CLCN7: variants seen among roughly 807,000 people sequenced by gnomAD.
CLCN7 encodes the protein H(+)/Cl(-) exchange transporter 7.
In CLCN7, 60 loss-of-function variants were observed where a neutral mutation model predicts 102.1. The ratio of observed to expected loss-of-function variants is 0.59; its 90% CI spans 0.48 to 0.73. CLCN7 has a LOEUF of 0.73. Among genes scored for constraint, CLCN7 ranks in the 30% least tolerant of loss-of-function variants. The probability of loss-of-function intolerance (pLI) is 0.00; values close to 1 mark genes in which losing one functional copy is unlikely to be tolerated. For synonymous variants in CLCN7, 560 were observed against 490.5 expected (o/e 1.14, Z -1.87); for missense variants, 962 against 1,125.7 (o/e 0.85, Z 2.08).
chr16:1,452,424 T>C, intron 15 of CLCN7: 1 of 382,190 alleles, frequency 2.6e-6, no homozygotes. Flanking sequence ...GGTCCAGTTG[T>C]GGACGGAGGT....
chr16:1,461,154 CCAA>C (rs1174193249), intron 4 of CLCN7, among the ~76,000 whole-genome samples: 6 of 152,246 alleles, frequency 3.9e-5, no homozygotes, highest in African/African-American at 1.4e-4. Context: ...GGGTGAATTC[CCAA>C]CAACTTCACA....
rs1434570608 is a variant in CLCN7, at chr16:1,456,099, G to A, written c.916+14C>T. 29 of 1,543,288 alleles carry A rather than the reference G, an allele frequency of 1.9e-5. No individual in the cohort carries two copies. Among genetic ancestry groups the A allele is most frequent in the Admixed American group, 7.8e-5 (4 of 51,364 alleles). On this transcript the variant is annotated intron_variant, in intron 10 of 24. Transcript: ENST00000382745. Reference sequence around the variant, plus strand: ...GCGAGGGCAAAGCATTGGACCCGGTGCGGCCCTCCTCACCCACGGGGGCTC... The same window carrying A: ...GCGAGGGCAAAGCATTGGACCCGGTACGGCCCTCCTCACCCACGGGGGCTC...
intron 20 of CLCN7, 61 bp from the exon 21 acceptor site, chr16:1,448,545 T>C: frequency 6.2e-7 from 1 of 1,602,878 alleles, no homozygotes; most frequent in East Asian, 2.2e-5. Flanking sequence ...CAGTTACCTC[T>C]GCGGGCTGGT....
intron 14 of CLCN7, among the ~76,000 whole-genome samples, chr16:1,453,132 C>A (rs929827974): frequency 6.6e-6 from 1 of 152,146 alleles, no homozygotes; most frequent in African/African-American, 2.4e-5. Context: ...CTCAGCCTCC[C>A]GAGTAGCTGG....
chr16:1,452,447 T>C (rs2038766915), intron 15 of CLCN7: 1 of 428,710 alleles, frequency 2.3e-6, no homozygotes, highest in Non-Finnish European at 4.3e-6. Flanking sequence ...GCATTTCTCC[T>C]GGGTCCACAT....
intron 6 of CLCN7, 56 bp from the exon 7 acceptor site, chr16:1,459,243 C>T (rs1235916040): frequency 2.2e-6 from 3 of 1,355,702 alleles, no homozygotes; most frequent in East Asian, 2.6e-5. Context: ...ACAGATGCAG[C>T]CCCTCAGCCC....
chr16:1,468,902 A>G (rs532412767), intron 1 of CLCN7, among the ~76,000 whole-genome samples: 15 of 152,192 alleles, frequency 9.9e-5, no homozygotes, highest in Non-Finnish European at 1.9e-4. Flanking sequence ...TTTAAAAGTC[A>G]AAAAAGGGCT....
chr16:1,473,118 T>C (rs71384101), intron 1 of CLCN7, among the ~76,000 whole-genome samples: 10,012 of 151,568 alleles, frequency 0.066, 401 homozygotes, highest in Non-Finnish European at 0.094. Context: ...GGCATACACA[T>C]ACACACACAG....
chr16:1,453,239 C>T (rs556420861), intron 14 of CLCN7, among the ~76,000 whole-genome samples: 14 of 152,166 alleles, frequency 9.2e-5, no homozygotes, highest in Non-Finnish European at 1.9e-4. Context: ...TCTAGAACTC[C>T]CGACCTCAGG....
chr16:1,458,229 T>A (rs984874540), intron 7 of CLCN7, among the ~76,000 whole-genome samples: 1 of 152,022 alleles, frequency 6.6e-6, no homozygotes, highest in East Asian at 1.9e-4. Context: ...CCTCTCCACC[T>A]GAGAAGGTGT....
At chr16:1,453,730 T>C in intron 14 of CLCN7, 104 bp downstream of exon 14, 17 of 1,092,412 alleles carry the variant, frequency 1.6e-5, no homozygotes, top group Non-Finnish European at 2.4e-5. Flanking sequence ...AGCCTTTCTT[T>C]CGGCTGTGGC....
intron 5 of CLCN7, 141 bp downstream of exon 5, chr16:1,460,675 C>A (rs1343786102): frequency 2.2e-6 from 3 of 1,384,664 alleles, no homozygotes; most frequent in Non-Finnish European, 3.0e-6. Flanking sequence ...GTCTCACGGC[C>A]CAACCATGAC....
rs140648745 is a variant in CLCN7 at position 1,449,837 on chromosome 16, G to A, written c.1618-510C>T. Reference sequence around the variant, plus strand: ...GCCGCTGAACTGCCCTCTTTAAAACGATGAGTTTTACGGTATTTGAATCAT... The same window carrying A: ...GCCGCTGAACTGCCCTCTTTAAAACAATGAGTTTTACGGTATTTGAATCAT... On this transcript the variant is annotated intron_variant, in intron 17 of 24. Coordinates refer to ENST00000382745, the MANE Select transcript of CLCN7 (RefSeq NM_001287.6). The A allele has an allele frequency of 2.3e-3, 469 of 201,552 alleles. 1 individual carries two copies. The highest frequency in any genetic ancestry group is 3.4e-3 in the Non-Finnish European group (327 of 97,352). 12.5% of individuals were successfully genotyped at this position (201,552 alleles called of 1,614,324 possible).
rs12923452 is a variant in CLCN7, at chr16:1,472,260, T to C, written c.141+2574A>G. On this transcript the variant is annotated intron_variant, in intron 1 of 24. Coordinates refer to ENST00000382745, the MANE Select transcript of CLCN7 (RefSeq NM_001287.6). ...AGTTTTTTTATTTTTATTTTTGAGA[T>C]GGAGTTTTGTTCTTGTTGCCCAGGC... 4.3e-3 allele frequency among the ~76,000 whole-genome samples: 651 copies of C among 152,348 alleles called. 2 individuals carry two copies. Among genetic ancestry groups the C allele is most frequent in the Non-Finnish European group, 7.9e-3 (535 of 68,024 alleles).
chr16:1,460,948 C>T lies in CLCN7; in HGVS notation c.352G>A (p.Ala118Thr), dbSNP rs760386183. The T allele has an allele frequency of 2.5e-6, 4 of 1,613,036 alleles. No individual in the cohort carries two copies. The East Asian group carries it at 8.9e-5, about 36-fold the overall frequency. Residue 118 changes from alanine (A) to threonine (T), a missense_variant and splice_region_variant, in exon 5 of 25, where the codon GCC (alanine) becomes ACC (threonine). Physicochemically the swap from Ala to Thr is moderately conservative, Grantham distance 58 (BLOSUM62 0). Transcript: ENST00000382745. Reference protein sequence around the residue: ...LEEERRINHTAFRTVEIKRWV... With the variant: ...LEEERRINHTTFRTVEIKRWV... The stretch of plus-strand genomic sequence containing the variant: ...CGCTTGATCTCCACCGTCCGGAAGG[C>T]CTGCAGGGCGCGGTCAGGGCGAGGG...
intron 1 of CLCN7, among the ~76,000 whole-genome samples, chr16:1,473,573 C>T (rs528505264): frequency 2.7e-5 from 4 of 150,916 alleles, no homozygotes; most frequent in Non-Finnish European, 5.9e-5. Flanking sequence ...CGGGGTTTCA[C>T]CATATTAGCC....
chr16:1,455,913 G>A, intron 10 of CLCN7, 118 bp from the exon 11 acceptor site: 2 of 1,200,650 alleles, frequency 1.7e-6, no homozygotes, highest in Non-Finnish European at 2.4e-6. Flanking sequence ...CTAATGGGGT[G>A]GGCCCCAGCC....
chr16:1,449,109 T>C lies in CLCN7; in HGVS notation c.1670-16A>G, dbSNP rs1285182506. ...ACAATCCCGCCTGCGGGAGCCATCATGAACCCCAGCACGTCCACCCTCCTG... is the reference window on the plus strand; with the variant it reads ...ACAATCCCGCCTGCGGGAGCCATCACGAACCCCAGCACGTCCACCCTCCTG... On this transcript the variant is annotated splice_polypyrimidine_tract_variant and intron_variant, in intron 18 of 24. Coordinates refer to ENST00000382745, the MANE Select transcript of CLCN7 (RefSeq NM_001287.6). 2.5e-6 allele frequency: 4 copies of C among 1,612,610 alleles called. No homozygotes were observed. The highest frequency in any genetic ancestry group is 3.4e-6 in the Non-Finnish European group (4 of 1,179,952).
intron 13 of CLCN7, 144 bp from the exon 14 acceptor site, chr16:1,454,038 C>T: frequency 2.6e-6 from 2 of 774,040 alleles, no homozygotes; most frequent in East Asian, 2.6e-5. Context: ...TAAGATGCTT[C>T]CTCCACATCA....
Sources: allele counts gnomAD v4.1 joint callset (sites outside exome capture counted in the v4.1 genomes callset), GRCh38; gene constraint gnomAD v4.1.1; transcripts MANE v1.5; gene names NCBI Gene and HGNC (gene_info 2026-07-23, HGNC 2026-07-21).